SUCLG2: variants seen among roughly 807,000 people sequenced by gnomAD.
The protein encoded by SUCLG2 is succinate--CoA ligase [GDP-forming] subunit beta, mitochondrial.
SUCLG2 carries 42 observed loss-of-function variants against 47.9 expected under a neutral mutation model. The ratio of observed to expected loss-of-function variants is 0.88; its 90% CI spans 0.69 to 1.14. The LOEUF (loss-of-function observed/expected upper bound fraction) is 1.14. SUCLG2 is among the 50% of genes most tolerant of loss of function. The pLI is 0.00. For synonymous variants in SUCLG2, 195 were observed against 197.3 expected (o/e 0.99, Z 0.10); for missense variants, 571 against 525.9 (o/e 1.09, Z -0.84).
intron 5 of SUCLG2, among the ~76,000 whole-genome samples, chr3:67,519,267 A>T (rs1034387902): frequency 6.6e-6 from 1 of 152,310 alleles, no homozygotes; most frequent in Middle Eastern, 3.4e-3. Flanking sequence ...ATGGTGTCCC[A>T]TCCAGGGTGG....
chr3:67,440,000 C>T (rs539033505), intron 9 of SUCLG2, among the ~76,000 whole-genome samples: 9 of 152,226 alleles, frequency 5.9e-5, no homozygotes, highest in Non-Finnish European at 8.8e-5. Context: ...GCTACAGTAA[C>T]GAAAACAGCA....
intron 1 of SUCLG2, among the ~76,000 whole-genome samples, chr3:67,610,771 G>A (rs1477513317): frequency 1.3e-5 from 2 of 152,076 alleles, no homozygotes; most frequent in Non-Finnish European, 2.9e-5. Context: ...AGGCCCACAG[G>A]GCTTCATCAC....
chr3:67,597,067 G>A (rs747572135), intron 2 of SUCLG2, among the ~76,000 whole-genome samples: 6 of 152,176 alleles, frequency 3.9e-5, no homozygotes, highest in Non-Finnish European at 7.4e-5. Context: ...AGAAGGTGAA[G>A]CTGTCTTTGT....
intron 9 of SUCLG2, among the ~76,000 whole-genome samples, chr3:67,414,916 C>T (rs1476564256): frequency 6.6e-6 from 1 of 152,154 alleles, no homozygotes; most frequent in African/African-American, 2.4e-5. Context: ...AGTGCAATGT[C>T]GCAATCACAG....
chr3:67,528,989 A>G, intron 3 of SUCLG2, 98 bp downstream of exon 3: 1 of 1,006,556 alleles, frequency 9.9e-7, no homozygotes, highest in Non-Finnish European at 1.5e-6. Context: ...GCCCGCTCCT[A>G]CCCCACCACA....
intron 9 of SUCLG2, among the ~76,000 whole-genome samples, chr3:67,482,801 C>G (rs1439412194): frequency 6.6e-6 from 1 of 152,148 alleles, no homozygotes; most frequent in Non-Finnish European, 1.5e-5. Context: ...GATTAACGAG[C>G]AAGTGAAACC....
At chr3:67,601,024 A>G (rs1270408163) in intron 2 of SUCLG2, among the ~76,000 whole-genome samples, 1 of 152,248 alleles carries the variant, frequency 6.6e-6, no homozygotes, top group East Asian at 1.9e-4. Flanking sequence ...CACAAGAGGA[A>G]ATAACACAGT....
At chr3:67,420,260 G>T (rs772675469) in intron 9 of SUCLG2, among the ~76,000 whole-genome samples, 15 of 152,126 alleles carry the variant, frequency 9.9e-5, no homozygotes, top group Non-Finnish European at 2.1e-4. Flanking sequence ...CTACAAAATA[G>T]GCAACGTAAT....
chr3:67,538,202 G>C (rs1266956054), intron 2 of SUCLG2, among the ~76,000 whole-genome samples: 1 of 152,094 alleles, frequency 6.6e-6, no homozygotes, highest in East Asian at 1.9e-4. Context: ...GATCGTTTTA[G>C]GTCTTATGTT....
In SUCLG2 at chr3:67,479,651, G is replaced by A. The variant is rs139122091; in HGVS notation, c.1062+16147C>T. Among the ~76,000 whole-genome samples, 429 of 152,312 alleles carry A rather than the reference G, an allele frequency of 2.8e-3. 4 individuals are homozygous for A. The highest frequency in any genetic ancestry group is 1.0e-2 in the African/African-American group (414 of 41,570). Reference sequence around the variant, plus strand: ...AAGAAAGCGCTAAGAGTGATTAAATGCACGAAGAGCAGTAATAGGAAAGAA... The same window carrying A: ...AAGAAAGCGCTAAGAGTGATTAAATACACGAAGAGCAGTAATAGGAAAGAA... On this transcript the variant is annotated intron_variant, in intron 9 of 10. Coordinates refer to ENST00000307227, the MANE Select transcript of SUCLG2 (RefSeq NM_003848.4).
chr3:67,361,445 G>C (rs1701802925), intron 10 of SUCLG2, among the ~76,000 whole-genome samples: 1 of 152,136 alleles, frequency 6.6e-6, no homozygotes, highest in South Asian at 2.1e-4. Context: ...CTCAAGATGT[G>C]GGTTATGTGG....
At chr3:67,390,785 G>C (rs1702362955) in intron 10 of SUCLG2, among the ~76,000 whole-genome samples, 1 of 152,044 alleles carries the variant, frequency 6.6e-6, no homozygotes, top group African/African-American at 2.4e-5. Flanking sequence ...AGTGTACAAA[G>C]CGTTTTGGCC....
chr3:67,565,998 C>T (rs1197625264), intron 2 of SUCLG2, among the ~76,000 whole-genome samples: 1 of 152,214 alleles, frequency 6.6e-6, no homozygotes. Context: ...CTGAGGCACA[C>T]TCTGTTCCAG....
intron 9 of SUCLG2, among the ~76,000 whole-genome samples, chr3:67,468,111 T>C (rs1299410746): frequency 6.6e-6 from 1 of 152,194 alleles, no homozygotes; most frequent in Non-Finnish European, 1.5e-5. Context: ...GCAGGGAGTC[T>C]GGCCTCTGAG....
intron 1 of SUCLG2, among the ~76,000 whole-genome samples, chr3:67,653,222 T>A (rs1330680792): frequency 2.0e-5 from 3 of 152,180 alleles, no homozygotes; most frequent in Non-Finnish European, 4.4e-5. Flanking sequence ...CTAGTTCTTG[T>A]TTTTTCTAAC....
At chr3:67,513,580 G>A (rs1705855753) in intron 6 of SUCLG2, among the ~76,000 whole-genome samples, 1 of 152,156 alleles carries the variant, frequency 6.6e-6, no homozygotes, top group Admixed American at 6.5e-5. Context: ...GTGTGACCAG[G>A]TGTAACAGGG....
intron 6 of SUCLG2, among the ~76,000 whole-genome samples, chr3:67,509,361 A>G (rs1187965078): frequency 6.6e-6 from 1 of 152,242 alleles, no homozygotes; most frequent in Non-Finnish European, 1.5e-5. Context: ...AACAACAATT[A>G]CTGAGTGTCT....
chr3:67,546,269 A>T (rs1401944828), intron 2 of SUCLG2, among the ~76,000 whole-genome samples: 1 of 152,220 alleles, frequency 6.6e-6, no homozygotes, highest in Non-Finnish European at 1.5e-5. Context: ...GAAAATACTT[A>T]AGAGCTAGCA....
chr3:67,532,976 A>C (rs890491238), intron 2 of SUCLG2, among the ~76,000 whole-genome samples: 1 of 150,842 alleles, frequency 6.6e-6, no homozygotes, highest in Admixed American at 6.8e-5. Flanking sequence ...GTCTAAAGGG[A>C]AAAAAATCAA....
Sources: gnomAD v4.1 joint callset for allele counts (sites outside exome capture counted in the v4.1 genomes callset) on GRCh38, gnomAD v4.1.1 for gene constraint, MANE v1.5 for transcripts, NCBI Gene and HGNC (gene_info 2026-07-23, HGNC 2026-07-21) for gene names.